Variants in KIAA1549 observed in about 807,000 individuals in gnomAD.
KIAA1549 encodes the protein UPF0606 protein KIAA1549.
Under a neutral mutation model 156.4 loss-of-function variants are expected in KIAA1549, and 70 were observed. The observed-to-expected ratio is 0.45, with a 90% CI of 0.37 to 0.55. The LOEUF (loss-of-function observed/expected upper bound fraction) is 0.55. KIAA1549 is among the 20% of genes least tolerant of loss of function. The probability of loss-of-function intolerance (pLI) is 0.00; values close to 1 mark genes in which losing one functional copy is unlikely to be tolerated. For synonymous variants in KIAA1549, 1,103 were observed against 1,066.4 expected (o/e 1.03, Z -0.67); for missense variants, 2,428 against 2,540.9 (o/e 0.96, Z 0.96).
At chr7:138,841,778 G>A (rs931813359) in intron 18 of KIAA1549, among the ~76,000 whole-genome samples, 44 of 151,934 alleles carry the variant, frequency 2.9e-4, no homozygotes, top group African/African-American at 1.0e-3. Context: ...GGCCAGGCTG[G>A]TCTTGAACTC....
chr7:138,872,584 G>A (rs1810972020), intron 12 of KIAA1549, among the ~76,000 whole-genome samples: 1 of 152,186 alleles, frequency 6.6e-6, no homozygotes, highest in Non-Finnish European at 1.5e-5. Flanking sequence ...GACGGGCTGA[G>A]TAGAAAGAGC....
chr7:138,844,874 A>ATTT (rs111317307), intron 17 of KIAA1549, among the ~76,000 whole-genome samples: 3 of 146,834 alleles, frequency 2.0e-5, no homozygotes, highest in African/African-American at 7.5e-5. Context: ...CACAGCGGTA[A>ATTT]TTTTTTTTTT....
At chr7:138,975,254 A>C (rs1463278312) in intron 1 of KIAA1549, among the ~76,000 whole-genome samples, 1 of 152,216 alleles carries the variant, frequency 6.6e-6, no homozygotes, top group Non-Finnish European at 1.5e-5. Flanking sequence ...AAAGAGAAAG[A>C]ATAAGAGAAA....
At chr7:138,970,983 A>G (rs992382999) in intron 1 of KIAA1549, among the ~76,000 whole-genome samples, 4 of 152,156 alleles carry the variant, frequency 2.6e-5, no homozygotes, top group Non-Finnish European at 5.9e-5. Context: ...AGAGTTTCCA[A>G]GAGACTCCAA....
chr7:138,886,881 G>T (rs184112513), intron 10 of KIAA1549, among the ~76,000 whole-genome samples: 38 of 152,076 alleles, frequency 2.5e-4, no homozygotes, highest in African/African-American at 8.0e-4. Context: ...TATTTATTAT[G>T]ATTTATTTAA....
intron 8 of KIAA1549, among the ~76,000 whole-genome samples, chr7:138,901,302 C>A (rs1378128260): frequency 6.6e-6 from 1 of 151,248 alleles, no homozygotes; most frequent in African/African-American, 2.4e-5. Flanking sequence ...GGCATACATA[C>A]TTTTGTAGCC....
intron 8 of KIAA1549, 147 bp downstream of exon 8, chr7:138,903,441 C>G: frequency 1.3e-6 from 1 of 788,662 alleles, no homozygotes; most frequent in African/African-American, 1.7e-5. Context: ...AGTGGCTACC[C>G]AATATAGCGA....
In KIAA1549 at chr7:138,917,737, G is replaced by A. The variant is rs758892072; in HGVS notation, c.1889C>T (p.Pro630Leu). The change falls in exon 2 of 20, where the codon CCC (proline) becomes CTC (leucine). Residue 630 changes from proline to leucine, a missense_variant. Around this residue, in one of 5 missense-constraint regions of KIAA1549, gnomAD observed 893 missense variants for 847.9 expected, o/e 1.05. Transcript: ENST00000422774. Reference protein sequence around the residue: ...LDFASSFFSTPPLELSGSISS... With the variant: ...LDFASSFFSTLPLELSGSISS... The stretch of plus-strand genomic sequence containing the variant: ...GATGGAGCCGCTGAGTTCCAGCGGG[G>A]GTGTTGAGAAAAAGCTGGATGCAAA... The A allele has an allele frequency of 1.9e-6, 3 of 1,588,510 alleles. No individual in the cohort carries two copies. The highest frequency in any genetic ancestry group is 3.6e-5 in the Admixed American group (2 of 55,210).
At chr7:138,941,910 T>G (rs756848265) in intron 1 of KIAA1549, among the ~76,000 whole-genome samples, 1 of 152,168 alleles carries the variant, frequency 6.6e-6, no homozygotes, top group Admixed American at 6.6e-5. Context: ...AACGTTGCAA[T>G]GAATGCCACT....
rs944224288 is a variant in KIAA1549, at chr7:138,917,776, C to T, written c.1850G>A (p.Arg617Lys). 2 of 1,580,224 alleles carry T rather than the reference C, an allele frequency of 1.3e-6. No homozygotes were observed. Among genetic ancestry groups the T allele is most frequent in the Non-Finnish European group, 1.7e-6 (2 of 1,163,182 alleles). ...GCTGGATGCAAAATCCAAAGCACCT[C>T]TGGGTTTATGCTCAGAAAAACTGGA... ...ERSSFSEHKP[R>K]GALDFASSFF... The change falls in exon 2 of 20, where the codon AGA (arginine) becomes AAA (lysine). Residue 617 changes from arginine to lysine, a missense_variant. Physicochemically the swap from Arg to Lys is conservative, Grantham distance 26 (BLOSUM62 2). Coordinates refer to ENST00000422774, the MANE Select transcript of KIAA1549 (RefSeq NM_001164665.2).
chr7:138,973,634 A>G (rs1339626844), intron 1 of KIAA1549, among the ~76,000 whole-genome samples: 13 of 152,088 alleles, frequency 8.5e-5, no homozygotes, highest in Non-Finnish European at 2.9e-5. Context: ...AACTACCATC[A>G]AGTACAACAT....
intron 2 of KIAA1549, among the ~76,000 whole-genome samples, chr7:138,914,370 G>A (rs974520833): frequency 1.3e-4 from 20 of 152,184 alleles, no homozygotes; most frequent in Non-Finnish European, 1.8e-4. Context: ...AGAGAAGAGA[G>A]GTGACAGAGA....
In KIAA1549 at chr7:138,863,109, C is replaced by T. The variant is rs75000668; in HGVS notation, c.4930-1653G>A. ...GTTAAGAGACAAAACCAGGAACCAACGAAGAAGAGTCATCCTTTCTGGTCT... is the reference window on the plus strand; with the variant it reads ...GTTAAGAGACAAAACCAGGAACCAATGAAGAAGAGTCATCCTTTCTGGTCT... On this transcript the variant is annotated intron_variant, in intron 15 of 19. Transcript: ENST00000422774. Among the ~76,000 whole-genome samples, 1,365 of 152,154 alleles carry T rather than the reference C, an allele frequency of 9.0e-3. 19 individuals are homozygous for T. Among genetic ancestry groups the T allele is most frequent in the African/African-American group, 0.031 (1,276 of 41,472 alleles).
At chr7:138,866,491 G>A (rs747140315) in intron 15 of KIAA1549, among the ~76,000 whole-genome samples, 2 of 152,136 alleles carry the variant, frequency 1.3e-5, no homozygotes, top group South Asian at 2.1e-4. Context: ...TTTTGCTAAC[G>A]TGTCTCTAAA....
At chr7:138,847,349 T>C (rs1463284354) in intron 17 of KIAA1549, among the ~76,000 whole-genome samples, 1 of 152,158 alleles carries the variant, frequency 6.6e-6, no homozygotes, top group African/African-American at 2.4e-5. Flanking sequence ...CCTCGCCAGT[T>C]TTACCTTTGC....
At position 138,904,531 on chromosome 7, in the gene KIAA1549, G is replaced by A. The variant is rs145068957; in HGVS notation, c.3520+491C>T. On this transcript the variant is annotated intron_variant, in intron 7 of 19. Coordinates refer to ENST00000422774, the MANE Select transcript of KIAA1549 (RefSeq NM_001164665.2). ...TGCACACTGGACAGCTGGTGAGTAC[G>A]TAAGTACTGTTCAGACTTTTGTGCA... Among the ~76,000 whole-genome samples, 67 of 149,236 alleles carry A rather than the reference G, an allele frequency of 4.5e-4. 1 individual carries two copies. The East Asian group carries it at 8.8e-3, about 20-fold the overall frequency.
chr7:138,832,980 T>C lies in KIAA1549; in HGVS notation c.*4926A>G, dbSNP rs1809584001. 2 of 231,556 alleles carry C rather than the reference T, an allele frequency of 8.6e-6. No homozygotes were observed. Among genetic ancestry groups the C allele is most frequent in the African/African-American group, 4.4e-5 (2 of 45,248 alleles). 14.3% of individuals were successfully genotyped at this position (231,556 alleles called of 1,614,324 possible). ...ACCCTGTTAGAACGTGTTAACATGT[T>C]AGATTAAATGTAAAAATGAAGTTCA... On this transcript the variant is annotated 3_prime_UTR_variant, in exon 20 of 20. Transcript: ENST00000422774.
In KIAA1549 at chr7:138,903,848, TGTGTGC is replaced by T. The variant is rs1165696529; in HGVS notation, c.3521-118_3521-113del. 3.3e-3 allele frequency: 1,112 copies of T among 339,786 alleles called. 4 individuals are homozygous for T. The highest frequency in any genetic ancestry group is 5.1e-3 in the Admixed American group (69 of 13,548). The allele number at this position is 339,786 out of a possible 1,614,324, so 21.0% of individuals were successfully genotyped here. Reference sequence around the variant, plus strand: ...GTGTGTGTGTGTGTGTGTGTGTGTGTGTGTGCGCGCGCGCGCGCGCGCACATATGTA... The same window carrying T: ...GTGTGTGTGTGTGTGTGTGTGTGTGTGCGCGCGCGCGCGCGCACATATGTA... On this transcript the variant is annotated intron_variant, in intron 7 of 19. Coordinates refer to ENST00000422774, the MANE Select transcript of KIAA1549 (RefSeq NM_001164665.2).
intron 15 of KIAA1549, among the ~76,000 whole-genome samples, chr7:138,867,561 A>T (rs558968076): frequency 7.7e-4 from 96 of 124,670 alleles, no homozygotes; most frequent in African/African-American, 3.5e-3. Context: ...TCCCAAAAAA[A>T]AAAAATAATA....
Sources: allele counts gnomAD v4.1 joint callset (sites outside exome capture counted in the v4.1 genomes callset), GRCh38; gene constraint gnomAD v4.1.1; regional missense constraint gnomAD v4.1.1; transcripts MANE v1.5; gene names NCBI Gene and HGNC (gene_info 2026-07-23, HGNC 2026-07-21).